SNRPN: variants seen among roughly 807,000 people sequenced by gnomAD.
SNRPN encodes the protein small nuclear ribonucleoprotein-associated protein N.
SNRPN carries 7 observed loss-of-function variants against 25.2 expected under a neutral mutation model. The ratio of observed to expected loss-of-function variants is 0.28; its 90% CI spans 0.16 to 0.52. The LOEUF is 0.52. Among genes scored for constraint, SNRPN ranks in the 20% least tolerant of loss-of-function variants. The probability of loss-of-function intolerance (pLI) is 0.96; values close to 1 mark genes in which losing one functional copy is unlikely to be tolerated. For synonymous variants in SNRPN, 124 were observed against 110.6 expected (o/e 1.12, Z -0.76); for missense variants, 196 against 322.5 (o/e 0.61, Z 3.00).
upstream of SNRPN, among the ~76,000 whole-genome samples, chr15:24,951,723 G>C (rs1400740617): frequency 6.6e-6 from 1 of 152,078 alleles, no homozygotes; most frequent in African/African-American, 2.4e-5. Flanking sequence ...GGCCAGAATA[G>C]TCTCGAACTG....
intron 1 of SNRPN, among the ~76,000 whole-genome samples, chr15:24,829,332 G>A (rs2050329116): frequency 6.6e-6 from 1 of 152,108 alleles, no homozygotes; most frequent in Non-Finnish European, 1.5e-5. Context: ...TCCAGGAGGA[G>A]GAGCTTTGGA....
At chr15:24,898,991 G>C (rs1192381616) in intron 2 of SNRPN, among the ~76,000 whole-genome samples, 1 of 152,148 alleles carries the variant, frequency 6.6e-6, no homozygotes, top group Non-Finnish European at 1.5e-5. Flanking sequence ...AGCTGTGATG[G>C]TTTAGCATTT....
intron 1 of SNRPN, among the ~76,000 whole-genome samples, chr15:24,883,006 T>C (rs940341617): frequency 6.6e-6 from 1 of 152,062 alleles, no homozygotes; most frequent in African/African-American, 2.4e-5. Flanking sequence ...GAATATCTCA[T>C]GTAATTCATA....
At chr15:24,841,478 G>A (rs1035796161) in intron 2 of SNRPN, among the ~76,000 whole-genome samples, 22 of 152,202 alleles carry the variant, frequency 1.4e-4, no homozygotes, top group African/African-American at 4.3e-4. Context: ...AATGTCATCC[G>A]TTTAATTATT....
At chr15:24,961,678 A>C (rs552535344) in intron 1 of SNRPN, among the ~76,000 whole-genome samples, 1 of 152,154 alleles carries the variant, frequency 6.6e-6, no homozygotes, top group Non-Finnish European at 1.5e-5. Context: ...AATTTAAACT[A>C]TGTTCTATTC....
chr15:24,959,817 A>T (rs1403725494), intron 1 of SNRPN, among the ~76,000 whole-genome samples: 1 of 152,226 alleles, frequency 6.6e-6, no homozygotes, highest in Non-Finnish European at 1.5e-5. Flanking sequence ...GGCTATTATG[A>T]ATAATGCTAC....
chr15:24,962,001 A>C, intron 1 of SNRPN, 113 bp from the exon 2 acceptor site: 1 of 953,892 alleles, frequency 1.0e-6, no homozygotes, highest in Non-Finnish European at 1.7e-6. Flanking sequence ...CCTTGTTTTA[A>C]TTAGATTTAA....
intron 2 of SNRPN, among the ~76,000 whole-genome samples, chr15:24,886,741 G>A (rs565806923): frequency 2.0e-5 from 3 of 152,306 alleles, no homozygotes; most frequent in Non-Finnish European, 2.9e-5. Flanking sequence ...GTGACATGAC[G>A]TCGTTTATGA....
At chr15:24,967,733 C>T (rs1032032619) in intron 2 of SNRPN, among the ~76,000 whole-genome samples, 199 bp from the exon 3 acceptor site, 6 of 148,574 alleles carry the variant, frequency 4.0e-5, no homozygotes, top group Admixed American at 3.4e-4. Context: ...ACTTGAACCC[C>T]GAAGGCAGTG....
intron 2 of SNRPN, among the ~76,000 whole-genome samples, chr15:24,891,393 G>C (rs112349225): frequency 1.5e-4 from 22 of 151,652 alleles, no homozygotes; most frequent in African/African-American, 4.8e-4. Flanking sequence ...CTCTTTTAAG[G>C]AACTTTATAA....
chr15:24,865,065 G>A (rs1342317700), intron 1 of SNRPN, among the ~76,000 whole-genome samples: 2 of 61,336 alleles, frequency 3.3e-5, no homozygotes, highest in Admixed American at 3.4e-4. Flanking sequence ...TTTTTTTTTT[G>A]AGACAGAGTC....
At chr15:24,874,374 G>C (rs1282280925) in intron 1 of SNRPN, among the ~76,000 whole-genome samples, 1 of 150,114 alleles carries the variant, frequency 6.7e-6, no homozygotes, top group Non-Finnish European at 1.5e-5. Context: ...TGTCAATCTG[G>C]AGTAGGAGTG....
Position 24,978,311 on chromosome 15 carries a change from C to T in SNRPN, c.678C>T (p.Gly226=). The change falls in exon 9 of 10, where the codon GGC becomes GGT. Residue 226 remains glycine (G), a synonymous_variant. Transcript: ENST00000390687. ...CGGGAATGAGACCCCCTCCACCAGGCATTAGAGGTGAGTGGGAGCATAGGG... is the reference window on the plus strand; with the variant it reads ...CGGGAATGAGACCCCCTCCACCAGGTATTAGAGGTGAGTGGGAGCATAGGG... The part of the protein sequence containing the change: ...PPPGMRPPPP[G]IRGPPPPGMR... The T allele has an allele frequency of 1.2e-6, 2 of 1,614,114 alleles. No homozygotes were observed. The highest frequency in any genetic ancestry group is 2.2e-5 in the East Asian group (1 of 44,856).
chr15:24,850,892 A>T (rs7176318), intron 2 of SNRPN: 12,286 of 152,134 alleles, frequency 0.081, 678 homozygotes, highest in Middle Eastern at 0.16. Context: ...TTTATTAGGA[A>T]ACCATATCTG....
intron 3 of SNRPN, among the ~76,000 whole-genome samples, chr15:24,928,112 C>T (rs922456731): frequency 3.3e-5 from 5 of 152,162 alleles, no homozygotes; most frequent in Non-Finnish European, 4.4e-5. Context: ...TGACAGGGAA[C>T]TCTCCTATAC....
intron 3 of SNRPN, among the ~76,000 whole-genome samples, chr15:24,934,391 T>A (rs939930216): frequency 3.5e-5 from 3 of 85,200 alleles, no homozygotes; most frequent in Admixed American, 3.0e-4. Flanking sequence ...ATAAGTGAAG[T>A]TTTATTGGAA....
At position 24,879,203 on chromosome 15, in the gene SNRPN, G is replaced by C. The variant is rs983804246; in HGVS notation, c.-578-7313G>C. Among the ~76,000 whole-genome samples the C allele has an allele frequency of 3.3e-5, 5 of 152,222 alleles. No individual in the cohort carries two copies. In the South Asian group the frequency reaches 8.3e-4, roughly 25 times the overall value. ...TAATCCTAGCACTTTGGGCGGCCGA[G>C]GCAGGCAGATTGCCTGAGCTCGGGG... On this transcript the variant is annotated intron_variant, in intron 1 of 11. Coordinates refer to the SNRPN transcript ENST00000400097.
Position 24,974,431 on chromosome 15 carries a change from T to C in SNRPN, c.-23T>C. 1 of 1,612,872 alleles carries C rather than the reference T, an allele frequency of 6.2e-7. No individual in the cohort carries two copies. The highest frequency in any genetic ancestry group is 8.5e-7 in the Non-Finnish European group (1 of 1,178,912). On this transcript the variant is annotated 5_prime_UTR_variant, in exon 4 of 10. Transcript: ENST00000390687. ...AAGCATCAAGTTTTAACTGTGGACA[T>C]TGGATTTGGTGGAACAGCAATCATG...
At chr15:24,904,610 G>C (rs559322695) in intron 2 of SNRPN, among the ~76,000 whole-genome samples, 3 of 151,490 alleles carry the variant, frequency 2.0e-5, no homozygotes, top group Admixed American at 6.6e-5. Flanking sequence ...AGCCAAGATC[G>C]GGCCACTGCA....
Sources: allele counts gnomAD v4.1 joint callset (sites outside exome capture counted in the v4.1 genomes callset), GRCh38; gene constraint gnomAD v4.1.1; transcripts MANE v1.5; gene names NCBI Gene and HGNC (gene_info 2026-07-23, HGNC 2026-07-21).